Variants in SUSD2 observed in about 807,000 individuals in gnomAD.
The protein encoded by SUSD2 is sushi domain containing 2.
SUSD2 carries 86 observed loss-of-function variants against 93.8 expected under a neutral mutation model. The ratio of observed to expected loss-of-function variants is 0.92; its 90% confidence interval spans 0.77 to 1.10. SUSD2 has a LOEUF of 1.10. SUSD2 is among the 50% of genes least tolerant of loss of function. SUSD2 has a pLI of 0.00. For synonymous variants in SUSD2, 483 were observed against 485.0 expected (o/e 1.00, Z 0.05); for missense variants, 1,060 against 1,137.0 (o/e 0.93, Z 0.97).
chr22:24,181,713 G>A lies in SUSD2; in HGVS notation c.76+118G>A, dbSNP rs1651070561. On this transcript the variant is annotated intron_variant, in intron 1 of 14. Coordinates refer to ENST00000358321, the MANE Select transcript of SUSD2 (RefSeq NM_019601.4). ...CATCTGTCAGGCCATCTGTGGCTGTGCTAGGGGTGATGGGAAGAAATTCTG... is the reference window on the plus strand; with the variant it reads ...CATCTGTCAGGCCATCTGTGGCTGTACTAGGGGTGATGGGAAGAAATTCTG... The A allele has an allele frequency of 1.3e-5, 10 of 798,630 alleles. No homozygotes were observed. In the South Asian group the frequency reaches 2.1e-4, roughly 16 times the overall value. 49.5% of individuals were successfully genotyped at this position (798,630 alleles called of 1,614,324 possible).
chr22:24,186,625 C>T (rs912490809), intron 10 of SUSD2: 18 of 615,806 alleles, frequency 2.9e-5, no homozygotes, highest in Non-Finnish European at 4.2e-5. Context: ...GGGACATGTC[C>T]TCCCTACGGA....
rs116295384 is a variant in SUSD2, at chr22:24,188,020, G to A, written c.2226G>A (p.Leu742=). 9.3e-6 allele frequency: 15 copies of A among 1,613,092 alleles called. No individual in the cohort carries two copies. The East Asian group carries it at 3.1e-4, about 34-fold the overall frequency. ...PNGQKEGNRY[L]AGSTIYFHCD... ...GACAAAAGGAGGGCAACAGGTACCTGGCGGGTTCCACCATCTACTTCCACT... is the reference window on the plus strand; with the variant it reads ...GACAAAAGGAGGGCAACAGGTACCTAGCGGGTTCCACCATCTACTTCCACT... The change falls in exon 13 of 15, where the codon CTG becomes CTA. Residue 742 remains leucine (L), a synonymous_variant. Transcript: ENST00000358321. The surrounding 1 kb of genome is among the most constrained non-coding windows in gnomAD (Gnocchi z 4.7).
Position 24,188,431 on chromosome 22 carries a change from C to T in SUSD2, c.2464C>T (p.Pro822Ser). The change falls in exon 15 of 15, where the codon CCC becomes TCC. Residue 822 changes from proline to serine, a missense_variant. Physicochemically the swap from Pro to Ser is moderately conservative, Grantham distance 74. This residue lies in a region of SUSD2 where 973 missense variants were observed against 1,005.3 expected (regional missense o/e 0.97). Transcript: ENST00000358321. This position sits in a 1 kb window ranked among gnomAD's most constrained non-coding sequence, Gnocchi z 4.7. ...KGNTHVWGAQ[P>S] is the part of the protein sequence containing the mutation. ...TTGCAGGCACGTCTGGGGTGCACAG[C>T]CCTGATGGGAGCAGCTTGGCTGTGA... is the stretch of plus-strand genomic sequence containing the variant. 1 of 1,610,572 alleles carries T rather than the reference C, an allele frequency of 6.2e-7. No homozygotes were observed. Among genetic ancestry groups the T allele is most frequent in the Non-Finnish European group, 8.5e-7 (1 of 1,179,670 alleles).
Position 24,185,536 on chromosome 22 carries a change from CG to C in SUSD2, c.1039del (p.Ala347ProfsTer30). 1 of 1,583,590 alleles carries C rather than the reference CG, an allele frequency of 6.3e-7. No homozygotes were observed. Among genetic ancestry groups the C allele is most frequent in the Non-Finnish European group, 8.6e-7 (1 of 1,164,968 alleles). ...EQGSVCTYHPGAVHCVRSVQA... is the reference protein window; with the variant it reads ...EQGSVCTYHPXAVHCVRSVQA... ...AGGGCAGCGTGTGCACCTACCACCC[CG>C]GGGCCGTGCACTGTGTGCGTTCTGT... On this transcript the variant is annotated frameshift_variant, in exon 7 of 15. Transcript: ENST00000358321. LOFTEE classifies it high-confidence loss of function.
chr22:24,186,570 C>A lies in SUSD2; in HGVS notation c.1642+155C>A, dbSNP rs1413762621. The A allele has an allele frequency of 8.0e-6, 7 of 871,268 alleles. No homozygotes were observed. The East Asian group carries it at 1.1e-4, about 13-fold the overall frequency. 54.0% of individuals were successfully genotyped at this position (871,268 alleles called of 1,614,324 possible). A position where few individuals can be genotyped will look rare whatever the true frequency, so the allele number is the denominator to read the frequency against. ...TCAGGCCTTCACACCCACCGAGGTG[C>A]CCCCGTCGTACCCACCTGGTCAAAA... On this transcript the variant is annotated intron_variant, in intron 10 of 14. Transcript: ENST00000358321.
intron 4 of SUSD2, 108 bp from the exon 5 acceptor site, chr22:24,184,658 G>T: frequency 1.1e-6 from 1 of 921,180 alleles, no homozygotes; most frequent in East Asian, 2.5e-5. Context: ...CCTCCTAAGG[G>T]GACCGCCTGG....
intron 2 of SUSD2, 79 bp from the exon 3 acceptor site, chr22:24,183,416 C>G: frequency 6.4e-7 from 1 of 1,561,934 alleles, no homozygotes; most frequent in Non-Finnish European, 8.7e-7. Flanking sequence ...TTGGGTTCCC[C>G]AGGGAGGTTG....
In SUSD2 at chr22:24,185,498, T is replaced by A; in HGVS notation, c.997T>A (p.Cys333Ser). ...TGCTGCTCTGCAGACGGACTACGGC[T>A]GTGACATGGAGCAGGGCAGCGTGTG... ...DSGRFFTDYG[C>S]DMEQGSVCTY... Residue 333 changes from cysteine to serine, a missense_variant, in exon 7 of 15, where the codon TGT becomes AGT. Transcript: ENST00000358321. The A allele has an allele frequency of 6.4e-7, 1 of 1,567,194 alleles. No homozygotes were observed. The highest frequency in any genetic ancestry group is 1.9e-5 in the Admixed American group (1 of 53,048).
At position 24,184,902 on chromosome 22, in the gene SUSD2, A is replaced by C; in HGVS notation, c.744A>C (p.Ala248=). The C allele has an allele frequency of 6.2e-7, 1 of 1,613,882 alleles. No homozygotes were observed. The highest frequency in any genetic ancestry group is 1.1e-5 in the South Asian group (1 of 91,068). The stretch of plus-strand genomic sequence containing the variant: ...GCTACCAGAGATGGCGAGTGGGTGC[A>C]CTTCGGATCATCGACAGCAAAAATT... ...PPSYQRWRVG[A]LRIIDSKNYA... is the part of the protein sequence containing the mutation. The change falls in exon 5 of 15, where the codon GCA becomes GCC. Residue 248 remains alanine (A), a synonymous_variant. Transcript: ENST00000358321.
Position 24,187,721 on chromosome 22 carries a change from A to C in SUSD2, c.2042A>C (p.Lys681Thr). 1.9e-6 allele frequency: 3 copies of C among 1,614,040 alleles called. No homozygotes were observed. Among genetic ancestry groups the C allele is most frequent in the Non-Finnish European group, 2.5e-6 (3 of 1,180,024 alleles). Residue 681 changes from lysine to threonine, a missense_variant, in exon 12 of 15, where the codon AAA (lysine) becomes ACA (threonine). Lys to Thr is a moderately conservative substitution (Grantham distance 78). Coordinates refer to ENST00000358321, the MANE Select transcript of SUSD2 (RefSeq NM_019601.4). Reference sequence around the variant, plus strand: ...CCCAGCCTGGCACAAGAGGCAGCCAAACTATGTGGGGACGATCATTTCTGC... The same window carrying C: ...CCCAGCCTGGCACAAGAGGCAGCCACACTATGTGGGGACGATCATTTCTGC... ...LNPSLAQEAA[K>T]LCGDDHFCNF...
At position 24,183,441 on chromosome 22, in the gene SUSD2, C is replaced by G. The variant is rs1215081723; in HGVS notation, c.288-54C>G. 1.1e-5 allele frequency: 18 copies of G among 1,580,164 alleles called. No individual in the cohort carries two copies. In the South Asian group the frequency reaches 1.8e-4, roughly 16 times the overall value. ...CAGGGAGGTTGGGGGCCCAGACCAT[C>G]GAGAGGCTCAGCCTGCAATGACCCA... On this transcript the variant is annotated intron_variant, in intron 2 of 14. Transcript: ENST00000358321.
At chr22:24,185,054 G>T in intron 5 of SUSD2, 40 bp from the exon 6 acceptor site, 2 of 1,611,178 alleles carry the variant, frequency 1.2e-6, no homozygotes, top group Non-Finnish European at 8.5e-7. Flanking sequence ...ACCATGGGGT[G>T]GTGTGGGCTG....
In SUSD2 at chr22:24,187,344, C is replaced by G. The variant is rs776748465; in HGVS notation, c.1785C>G (p.Leu595=). ...AGTTCCTCACCCACACCCACGGCCT[C>G]CTCGGGACACTCAACAACGACCCCA... is the stretch of plus-strand genomic sequence containing the variant. ...PEKFLTHTHG[L]LGTLNNDPTD... Residue 595 remains leucine (L), a synonymous_variant, in exon 11 of 15, where the codon CTC becomes CTG. Transcript: ENST00000358321. 4.3e-6 allele frequency: 7 copies of G among 1,614,008 alleles called. No homozygotes were observed. In the South Asian group the frequency reaches 5.5e-5, roughly 13 times the overall value.
Position 24,187,146 on chromosome 22 carries a change from G to A in SUSD2, c.1643-56G>A, listed in dbSNP as rs12169027. 8,684 of 1,575,774 alleles carry A rather than the reference G, an allele frequency of 5.5e-3. 405 individuals are homozygous for A. The African/African-American group carries it at 0.1, about 18-fold the overall frequency. On this transcript the variant is annotated intron_variant, in intron 10 of 14. Coordinates refer to ENST00000358321, the MANE Select transcript of SUSD2 (RefSeq NM_019601.4). Reference sequence around the variant, plus strand: ...GCCGACCACCCTGTCCTGGGGCTGCGGGAGGGGACAAGATGCTCACAGCGG... The same window carrying A: ...GCCGACCACCCTGTCCTGGGGCTGCAGGAGGGGACAAGATGCTCACAGCGG...
rs201082717 is a variant in SUSD2 at position 24,187,885 on chromosome 22, G to A, written c.2164+42G>A. The A allele has an allele frequency of 1.1e-3, 1,705 of 1,603,084 alleles. 4 individuals carry two copies. The highest frequency in any genetic ancestry group is 3.1e-3 in the Admixed American group (188 of 59,688). On this transcript the variant is annotated intron_variant, in intron 12 of 14. Transcript: ENST00000358321. ...GGGGGTGGGCGGGGAGCTGGGACAG[G>A]ACCCCCCGGGGTGGCCAGATGTGTG... is the stretch of plus-strand genomic sequence containing the variant.
intron 3 of SUSD2, 147 bp from the exon 4 acceptor site, chr22:24,183,989 C>T (rs973139485): frequency 1.0e-4 from 84 of 803,432 alleles, no homozygotes; most frequent in Non-Finnish European, 1.5e-4. Flanking sequence ...CCTCAGCGTC[C>T]TTTTCTGCTG....
rs369676695 is a variant in SUSD2, at chr22:24,184,891, C to T, written c.733C>T (p.Arg245Ter). 16 of 1,614,018 alleles carry T rather than the reference C, an allele frequency of 9.9e-6. No homozygotes were observed. The highest frequency in any genetic ancestry group is 6.7e-5 in the East Asian group (3 of 44,888). The change falls in exon 5 of 15, where the codon CGA becomes TGA. Residue 245 changes from arginine (R) to a stop codon, truncating the protein, a stop_gained. Coordinates refer to ENST00000358321, the MANE Select transcript of SUSD2 (RefSeq NM_019601.4). LOFTEE classifies it high-confidence loss of function. ...TGCTCCTCCCAGCTACCAGAGATGG[C>T]GAGTGGGTGCACTTCGGATCATCGA... ...KPAPPSYQRW[R>*]VGALRIIDSK... is the part of the protein sequence containing the mutation.
chr22:24,183,390 A>G, intron 2 of SUSD2, 105 bp from the exon 3 acceptor site: 1 of 1,536,310 alleles, frequency 6.5e-7, no homozygotes, highest in South Asian at 1.2e-5. Flanking sequence ...AGGAGGGCAC[A>G]GGGACAGCTG....
At position 24,185,777 on chromosome 22, in the gene SUSD2, C is replaced by T. The variant is rs377254955; in HGVS notation, c.1187C>T (p.Pro396Leu). Residue 396 changes from proline (P) to leucine (L), a missense_variant, in exon 8 of 15, where the codon CCG (proline) becomes CTG (leucine). Coordinates refer to ENST00000358321, the MANE Select transcript of SUSD2 (RefSeq NM_019601.4). ...PDRGHDWGAP[P>L]FRTPPRVPSM... ...CGCGGCCATGACTGGGGCGCACCCC[C>T]GTTCCGCACGCCACCCCGAGTGCCC... 1.0e-4 allele frequency: 164 copies of T among 1,609,858 alleles called. No homozygotes were observed. The highest frequency in any genetic ancestry group is 2.9e-4 in the South Asian group (26 of 90,464).
Sources: gnomAD v4.1 joint callset for allele counts on GRCh38, gnomAD v4.1.1 for gene constraint, gnomAD v4.1.1 regional missense constraint, Gnocchi (gnomAD v3.1) non-coding constraint, MANE v1.5 for transcripts, NCBI Gene and HGNC (gene_info 2026-07-23, HGNC 2026-07-21) for gene names.